MYO19: variants seen among roughly 807,000 people sequenced by gnomAD.
The protein encoded by MYO19 is unconventional myosin-XIX.
A neutral mutation model predicts 129.2 loss-of-function variants in MYO19; 132 were observed. The ratio of observed to expected loss-of-function variants is 1.02; its 90% CI spans 0.89 to 1.18. The LOEUF (loss-of-function observed/expected upper bound fraction) is 1.18. MYO19 is among the 50% of genes most tolerant of loss of function. MYO19 has a pLI of 0.00. For synonymous variants in MYO19, 531 were observed against 477.2 expected, an observed-to-expected ratio of 1.11 and a Z score of -1.47; for missense variants, 1,210 against 1,216.7, an observed-to-expected ratio of 0.99 and a Z score of 0.08.
At chr17:36,507,979 G>A in intron 14 of MYO19, 55 bp from the exon 15 acceptor site, 1 of 1,515,332 alleles carries the variant, frequency 6.6e-7, no homozygotes, top group Non-Finnish European at 8.9e-7. Flanking sequence ...ATGGGGAATA[G>A]GGGACCAAGG....
At position 36,507,393 on chromosome 17, in the gene MYO19, C is replaced by T; in HGVS notation, c.1467+6G>A. The T allele has an allele frequency of 6.2e-7, 1 of 1,611,146 alleles. No individual in the cohort carries two copies. The highest frequency in any genetic ancestry group is 1.1e-5 in the South Asian group (1 of 91,006). On this transcript the variant is annotated splice_donor_region_variant and intron_variant, in intron 16 of 25. Coordinates refer to ENST00000614623, the MANE Select transcript of MYO19 (RefSeq NM_001163735.2). ...TGGTGCTCGGCTCATTAGCTGACCT[C>T]CCCACCTCATTTATGAGGGAGCAGA...
chr17:36,529,970 G>A (rs144304744), intron 3 of MYO19, among the ~76,000 whole-genome samples: 1 of 152,214 alleles, frequency 6.6e-6, no homozygotes, highest in East Asian at 1.9e-4. Flanking sequence ...AACCACTTGG[G>A]CCTAAAAGTT....
chr17:36,513,789 C>T, intron 9 of MYO19, 64 bp from the exon 10 acceptor site: 1 of 1,438,934 alleles, frequency 6.9e-7, no homozygotes, highest in Non-Finnish European at 9.6e-7. Context: ...CCTGCATAGG[C>T]AGGCATGGGG....
At chr17:36,496,433 T>C (rs768144659) in intron 25 of MYO19, 27 bp from the exon 26 acceptor site, 23 of 1,612,186 alleles carry the variant, frequency 1.4e-5, no homozygotes, top group Non-Finnish European at 1.9e-5. Flanking sequence ...GATGCAGCTT[T>C]AGCACTAGTT....
chr17:36,532,357 C>A (rs1348262882), intron 3 of MYO19, among the ~76,000 whole-genome samples, 170 bp downstream of exon 3: 2 of 152,160 alleles, frequency 1.3e-5, no homozygotes, highest in South Asian at 4.1e-4. Flanking sequence ...AAGACAGATT[C>A]AAATTAGGTA....
chr17:36,513,362 A>G (rs573102744), intron 11 of MYO19, 67 bp downstream of exon 11: 379 of 1,613,252 alleles, frequency 2.3e-4, no homozygotes, highest in Admixed American at 6.5e-4. Context: ...AAGTCCAGGG[A>G]AAAGCTCTAT....
rs751174193 is a variant in MYO19, at chr17:36,498,527, C to T, written c.2496G>A (p.Leu832=). 6.2e-7 allele frequency: 1 copy of T among 1,613,546 alleles called. No homozygotes were observed. The highest frequency in any genetic ancestry group is 1.1e-5 in the South Asian group (1 of 91,074). ...AGAAGTGTTTTTCTTCCACACCATCCAGCTCTTTAGCAGCAAGGCAGGCCA... is the reference window on the plus strand; with the variant it reads ...AGAAGTGTTTTTCTTCCACACCATCTAGCTCTTTAGCAGCAAGGCAGGCCA... ...IRMACLAAKE[L]DGVEEKHFSQ... The change falls in exon 25 of 26, where the codon CTG becomes CTA. Residue 832 remains leucine (L), a synonymous_variant. Transcript: ENST00000614623.
Position 36,527,536 on chromosome 17 carries a change from G to A in MYO19, c.300+15C>T, listed in dbSNP as rs967319197. The A allele has an allele frequency of 1.9e-6, 3 of 1,611,040 alleles. No homozygotes were observed. The highest frequency in any genetic ancestry group is 2.7e-5 in the African/African-American group (2 of 74,862). On this transcript the variant is annotated intron_variant, in intron 5 of 25. Coordinates refer to ENST00000614623, the MANE Select transcript of MYO19 (RefSeq NM_001163735.2). ...TAGAGGAGCCCTGAGGCCACAGGCA[G>A]CGGCAGAGCCTTACCTGGGGCTGAG...
upstream of MYO19, chr17:36,539,429 T>A (rs1011135708): frequency 3.1e-5 from 5 of 163,752 alleles, no homozygotes; most frequent in East Asian, 9.6e-4. Flanking sequence ...AGAAAAATTT[T>A]AAAAATAAAA....
At position 36,530,607 on chromosome 17, in the gene MYO19, TAA is replaced by T. The variant is rs201718054; in HGVS notation, c.12+1918_12+1919del. 3.4e-3 allele frequency among the ~76,000 whole-genome samples: 509 copies of T among 151,016 alleles called. 3 individuals are homozygous for T. Among genetic ancestry groups the T allele is most frequent in the African/African-American group, 0.012 (497 of 41,058 alleles). ...GTGTAGCTGGGACTACAGGCACGCG[TAA>T]AAGTGGCTTTTGTATTTTTTTTTTT... is the stretch of plus-strand genomic sequence containing the variant. On this transcript the variant is annotated intron_variant, in intron 3 of 25. Transcript: ENST00000614623.
At chr17:36,537,859 T>C, upstream of MYO19, 1 of 1,614,160 alleles carries the variant, frequency 6.2e-7, no homozygotes, top group Non-Finnish European at 8.5e-7. Context: ...CCACTGCTGT[T>C]GATTATTTTT....
Position 36,531,266 on chromosome 17 carries a change from G to A in MYO19, c.12+1261C>T, listed in dbSNP as rs550385207. On this transcript the variant is annotated intron_variant, in intron 3 of 25. Coordinates refer to ENST00000614623, the MANE Select transcript of MYO19 (RefSeq NM_001163735.2). ...AAAAATTAGCCAGGCGTGGTGGCCA[G>A]CACCAGTAGTCCCAACTACTCGGGA... 4.8e-4 allele frequency among the ~76,000 whole-genome samples: 73 copies of A among 151,674 alleles called. 1 individual carries two copies. The South Asian group carries it at 0.012, about 25-fold the overall frequency.
chr17:36,530,318 A>G (rs890039917), intron 3 of MYO19, among the ~76,000 whole-genome samples: 4 of 152,176 alleles, frequency 2.6e-5, no homozygotes, highest in Non-Finnish European at 4.4e-5. Context: ...ATAATTATTT[A>G]AAGTTCTTTT....
chr17:36,518,527 A>AATATATATATATATATATATAT (rs1555581707), intron 6 of MYO19, among the ~76,000 whole-genome samples: 3 of 41,466 alleles, frequency 7.2e-5, no homozygotes, highest in Non-Finnish European at 1.2e-4. Flanking sequence ...AAAAAAAAAA[A>AATATATATATATATATATATAT]ATATATATAT....
Position 36,509,057 on chromosome 17 carries a change from GCTAC to G in MYO19, c.1231+1_1231+4del. 6.2e-7 allele frequency: 1 copy of G among 1,613,174 alleles called. No individual in the cohort carries two copies. Among genetic ancestry groups the G allele is most frequent in the Non-Finnish European group, 8.5e-7 (1 of 1,179,442 alleles). On this transcript the variant is annotated splice_donor_variant and splice_donor_region_variant and intron_variant, in intron 14 of 25. Coordinates refer to ENST00000614623, the MANE Select transcript of MYO19 (RefSeq NM_001163735.2). LOFTEE classifies it high-confidence loss of function. The stretch of plus-strand genomic sequence containing the variant: ...AGTGCTCCCAGCACAGTGAGGCCTT[GCTAC>G]CTATGAAAGTGGTCCACGAGTCGGT...
chr17:36,532,747 C>A, intron 2 of MYO19, 66 bp from the exon 3 acceptor site: 1 of 622,586 alleles, frequency 1.6e-6, no homozygotes. Context: ...GACTCACTCA[C>A]TCCTTCCCAC....
chr17:36,543,908 T>C (rs914994273), upstream of MYO19, among the ~76,000 whole-genome samples: 5 of 152,220 alleles, frequency 3.3e-5, no homozygotes, highest in Admixed American at 6.5e-5. Flanking sequence ...ATTACAGGCG[T>C]GAGCCACCAT....
intron 2 of MYO19, among the ~76,000 whole-genome samples, chr17:36,541,883 A>T (rs2074199492): frequency 6.6e-6 from 1 of 152,256 alleles, no homozygotes; most frequent in Non-Finnish European, 1.5e-5. Context: ...AAATAAAAAT[A>T]AGTGCCTACT....
chr17:36,507,572 C>G, intron 15 of MYO19, 60 bp from the exon 16 acceptor site: 2 of 1,533,882 alleles, frequency 1.3e-6, no homozygotes, highest in Non-Finnish European at 1.8e-6. Flanking sequence ...TCCTGACGGG[C>G]CATCCACGGC....
Sources: gnomAD v4.1 joint callset for allele counts (sites outside exome capture counted in the v4.1 genomes callset) on GRCh38, gnomAD v4.1.1 for gene constraint, MANE v1.5 for transcripts, NCBI Gene and HGNC (gene_info 2026-07-23, HGNC 2026-07-21) for gene names.